Variants in CLVS1 observed in about 807,000 individuals in gnomAD.
CLVS1 encodes the protein clavesin-1.
CLVS1 carries 10 observed loss-of-function variants against 33.1 expected under a neutral mutation model. The observed-to-expected ratio is 0.30, with a 90% CI of 0.19 to 0.51. The LOEUF is 0.51. Among genes scored for constraint, CLVS1 ranks in the 20% least tolerant of loss-of-function variants. The probability of loss-of-function intolerance (pLI) is 0.97; values close to 1 mark genes in which losing one functional copy is unlikely to be tolerated. For missense variants in CLVS1, 343 were observed against 433.4 expected (o/e 0.79, Z 1.85); for synonymous variants, 163 against 166.1 (o/e 0.98, Z 0.14).
At chr8:60,976,468 C>T in the CLVS1 span, among the ~76,000 whole-genome samples, 2 of 151,982 alleles carry the variant, frequency 1.3e-5, no homozygotes, top group African/African-American at 2.4e-5. Flanking sequence ...AGCAATTTTC[C>T]TGCCTCAGCC....
In CLVS1 at chr8:61,380,728, G is replaced by A. The variant is rs577058885; in HGVS notation, c.630+3949G>A. ...TGCTACCATTTTAATACAGCTCAGC[G>A]TTATTCTCAGTTCTGCTGGGGATTT... On this transcript the variant is annotated intron_variant, in intron 3 of 5. Transcript: ENST00000325897. 5.3e-5 allele frequency among the ~76,000 whole-genome samples: 8 copies of A among 152,164 alleles called. No homozygotes were observed. In the South Asian group the frequency reaches 6.2e-4, roughly 12 times the overall value.
intron 2 of CLVS1, among the ~76,000 whole-genome samples, chr8:61,323,815 C>T (rs1033513711): frequency 1.3e-5 from 2 of 152,134 alleles, no homozygotes; most frequent in Non-Finnish European, 2.9e-5. Flanking sequence ...TCCTGCACTC[C>T]ACTCTCCAAT....
chr8:61,489,821 C>G (rs895658712), intron 5 of CLVS1, among the ~76,000 whole-genome samples: 2 of 152,188 alleles, frequency 1.3e-5, no homozygotes, highest in African/African-American at 4.8e-5. Context: ...TTGTGGTGCA[C>G]ATCTGGAATA....
intron 1 of CLVS1, among the ~76,000 whole-genome samples, chr8:61,081,778 T>C (rs1190845545): frequency 6.6e-6 from 1 of 152,132 alleles, no homozygotes; most frequent in East Asian, 1.9e-4. Context: ...GGACAAACCA[T>C]TTTTTCCCAA....
chr8:61,023,669 G>T, the CLVS1 span, among the ~76,000 whole-genome samples: 3 of 152,090 alleles, frequency 2.0e-5, no homozygotes, highest in African/African-American at 7.2e-5. Flanking sequence ...CCGGTGAGTC[G>T]CAGCTCGGAG....
chr8:61,141,518 A>G (rs931131649), intron 2 of CLVS1, among the ~76,000 whole-genome samples: 2 of 152,242 alleles, frequency 1.3e-5, no homozygotes, highest in Admixed American at 1.3e-4. Context: ...CTATAGGCCA[A>G]CAATGAACAT....
At chr8:60,996,687 G>A in the CLVS1 span, among the ~76,000 whole-genome samples, 80 of 152,198 alleles carry the variant, frequency 5.3e-4, no homozygotes, top group African/African-American at 1.7e-3. Flanking sequence ...GTGGTGCTCT[G>A]GTGGCTCTCT....
chr8:61,358,325 A>G (rs1335894301), intron 2 of CLVS1, among the ~76,000 whole-genome samples: 1 of 152,200 alleles, frequency 6.6e-6, no homozygotes, highest in Non-Finnish European at 1.5e-5. Flanking sequence ...TATATTGTAC[A>G]CTGTGTGCAA....
chr8:61,307,201 A>C (rs1810660769), intron 2 of CLVS1, among the ~76,000 whole-genome samples: 1 of 152,200 alleles, frequency 6.6e-6, no homozygotes, highest in African/African-American at 2.4e-5. Context: ...AATATATAAA[A>C]TTACACTGAA....
intron 4 of CLVS1, among the ~76,000 whole-genome samples, chr8:61,456,779 G>T (rs867899105): frequency 2.6e-5 from 4 of 151,856 alleles, no homozygotes; most frequent in Non-Finnish European, 5.9e-5. Flanking sequence ...TTAGCTGGGC[G>T]TGGTGGCAGG....
the CLVS1 span, among the ~76,000 whole-genome samples, chr8:61,011,505 A>G: frequency 2.0e-5 from 3 of 151,942 alleles, no homozygotes; most frequent in Non-Finnish European, 4.4e-5. Flanking sequence ...CTGGAGTGCA[A>G]TGGCATGGTG....
intron 1 of CLVS1, among the ~76,000 whole-genome samples, chr8:61,122,052 T>C (rs1047358409): frequency 3.3e-5 from 5 of 152,210 alleles, no homozygotes; most frequent in African/African-American, 1.2e-4. Flanking sequence ...TTGGTGAACA[T>C]TTCTTCTGGA....
rs1485176461 is a variant in CLVS1, at chr8:61,501,166, G to GTGA, written c.*1627_*1629dup. On this transcript the variant is annotated 3_prime_UTR_variant, in exon 6 of 6. Transcript: ENST00000325897. Reference sequence around the variant, plus strand: ...ACACTGAAATAATTCTACCAATGCAGTGATGGAAACACTTTTCTTATGTAC... The same window carrying GTGA: ...ACACTGAAATAATTCTACCAATGCAGTGATGATGGAAACACTTTTCTTATGTAC... The GTGA allele has an allele frequency of 6.6e-6, 1 of 152,114 alleles. No individual in the cohort carries two copies. Among genetic ancestry groups the GTGA allele is most frequent in the Non-Finnish European group, 1.5e-5 (1 of 68,006 alleles). 9.4% of individuals were successfully genotyped at this position (152,114 alleles called of 1,614,324 possible).
chr8:61,485,616 A>T (rs568083770), intron 5 of CLVS1, among the ~76,000 whole-genome samples: 2 of 152,388 alleles, frequency 1.3e-5, no homozygotes, highest in Admixed American at 1.3e-4. Context: ...AAGGATTATA[A>T]ATCATACTGC....
intron 5 of CLVS1, among the ~76,000 whole-genome samples, chr8:61,495,980 C>CCAGGAGAAAGAAT (rs1025953192): frequency 3.9e-5 from 6 of 151,982 alleles, no homozygotes; most frequent in African/African-American, 1.5e-4. Flanking sequence ...TCTGGTGGCT[C>CCAGGAGAAAGAAT]CAGGAGAAAG....
chr8:61,271,485 T>C (rs1809437010), intron 2 of CLVS1, among the ~76,000 whole-genome samples: 2 of 149,082 alleles, frequency 1.3e-5, no homozygotes, highest in South Asian at 2.2e-4. Context: ...AAAAAATGTA[T>C]ATTCTGTTGA....
chr8:61,165,020 A>G (rs897508637), intron 2 of CLVS1, among the ~76,000 whole-genome samples: 1 of 152,140 alleles, frequency 6.6e-6, no homozygotes, highest in Admixed American at 6.5e-5. Flanking sequence ...CCATGCAGTG[A>G]GTGTTATAGC....
At position 61,064,536 on chromosome 8, in the gene CLVS1, C is replaced by CTTTTTTTTTTTTTTTTTTTTTT. The variant is rs1563389429; in HGVS notation, c.-243+7306_-243+7307insTTTTTTTTTTTTTTTTTTTTTT. ...GAAATGTCTATTCAAGTTCTTTGCC[C>CTTTTTTTTTTTTTTTTTTTTTT]ATTTTTTTTTTTTTTTTTTTTGAGA... On this transcript the variant is annotated intron_variant, in intron 1 of 2. Transcript: ENST00000522621. Among the ~76,000 whole-genome samples the CTTTTTTTTTTTTTTTTTTTTTT allele has an allele frequency of 6.4e-5, 9 of 141,444 alleles. 2 individuals are homozygous for CTTTTTTTTTTTTTTTTTTTTTT. Among genetic ancestry groups the CTTTTTTTTTTTTTTTTTTTTTT allele is most frequent in the Non-Finnish European group, 7.6e-5 (5 of 65,742 alleles). 92.8% of individuals were successfully genotyped at this position (141,444 alleles called of 152,430 possible).
intron 2 of CLVS1, among the ~76,000 whole-genome samples, chr8:61,328,071 G>A (rs1444313589): frequency 1.3e-5 from 2 of 152,118 alleles, no homozygotes; most frequent in East Asian, 3.8e-4. Context: ...TTTCATCCAA[G>A]CACACTGTAA....
Sources: allele counts gnomAD v4.1 joint callset (sites outside exome capture counted in the v4.1 genomes callset), GRCh38; gene constraint gnomAD v4.1.1; transcripts MANE v1.5; gene names NCBI Gene and HGNC (gene_info 2026-07-23, HGNC 2026-07-21).